ARHGAP28: variants seen among roughly 807,000 people sequenced by gnomAD.
ARHGAP28 encodes the protein rho GTPase-activating protein 28.
A neutral mutation model predicts 90.7 loss-of-function variants in ARHGAP28; 56 were observed. The ratio of observed to expected loss-of-function variants is 0.62; its 90% confidence interval spans 0.50 to 0.77. The LOEUF is 0.77. Ranked by LOEUF, ARHGAP28 falls within the 30% of genes least tolerant of loss-of-function variation. ARHGAP28 has a pLI of 0.00. For missense variants in ARHGAP28, 869 were observed against 900.9 expected (o/e 0.96, Z 0.45); for synonymous variants, 308 against 323.3 (o/e 0.95, Z 0.51).
chr18:6,912,185 T>G lies in ARHGAP28; in HGVS notation c.*31T>G, dbSNP rs750660769. 1 of 1,318,290 alleles carries G rather than the reference T, an allele frequency of 7.6e-7. No homozygotes were observed. Among genetic ancestry groups the G allele is most frequent in the Non-Finnish European group, 1.1e-6 (1 of 933,756 alleles). 81.7% of individuals were successfully genotyped at this position (1,318,290 alleles called of 1,614,324 possible). On this transcript the variant is annotated 3_prime_UTR_variant, in exon 18 of 18. Coordinates refer to ENST00000383472, the MANE Select transcript of ARHGAP28 (RefSeq NM_001366230.1). ...CCTCGAGAGAGCTGCTATCATGTAT[T>G]ATATGCCAAAAAGATCCTACATTTT...
intron 1 of ARHGAP28, among the ~76,000 whole-genome samples, chr18:6,738,674 C>A (rs941017688): frequency 6.6e-6 from 1 of 152,156 alleles, no homozygotes; most frequent in Admixed American, 6.6e-5. Flanking sequence ...TTTCCTCTCA[C>A]CCTCACTACA....
chr18:6,810,088 C>A (rs1241750697), intron 1 of ARHGAP28, among the ~76,000 whole-genome samples: 1 of 152,110 alleles, frequency 6.6e-6, no homozygotes, highest in Non-Finnish European at 1.5e-5. Context: ...AAAATTTCAG[C>A]TGATTGTTGA....
At chr18:6,876,044 T>A in intron 9 of ARHGAP28, 87 bp from the exon 10 acceptor site, 1 of 1,092,892 alleles carries the variant, frequency 9.2e-7, no homozygotes, top group Non-Finnish European at 1.4e-6. Flanking sequence ...CTTGGTAACT[T>A]ATTGATTCAT....
rs1028292904 is a variant in ARHGAP28, at chr18:6,787,580, C to A, written c.123-37182C>A. On this transcript the variant is annotated intron_variant, in intron 1 of 17. Coordinates refer to ENST00000383472, the MANE Select transcript of ARHGAP28 (RefSeq NM_001366230.1). ...AAATTCTGATCGTTTTTATCTAAGA[C>A]AATATAGCATAATGCCTGTGGCACA... 1.3e-4 allele frequency among the ~76,000 whole-genome samples: 20 copies of A among 152,130 alleles called. 1 individual carries two copies. Among genetic ancestry groups the A allele is most frequent in the South Asian group, 2.1e-4 (1 of 4,826 alleles).
intron 2 of ARHGAP28, among the ~76,000 whole-genome samples, chr18:6,829,289 T>C (rs1283449113): frequency 6.6e-6 from 1 of 152,200 alleles, no homozygotes; most frequent in East Asian, 1.9e-4. Context: ...AAGTTCACAA[T>C]AACCTCCAAT....
chr18:6,837,751 G>A (rs529139856), intron 3 of ARHGAP28, among the ~76,000 whole-genome samples: 1 of 152,206 alleles, frequency 6.6e-6, no homozygotes, highest in South Asian at 2.1e-4. Flanking sequence ...TCTGTGGTCG[G>A]GCAAAGGAGT....
rs140580090 is a variant in ARHGAP28, at chr18:6,767,771, A to G, written c.122+37828A>G. Among the ~76,000 whole-genome samples, 954 of 152,184 alleles carry G rather than the reference A, an allele frequency of 6.3e-3. 9 individuals are homozygous for G. Among genetic ancestry groups the G allele is most frequent in the African/African-American group, 0.022 (924 of 41,526 alleles). ...TTCTCTTTATCTCTGTTTTTCAGCA[A>G]TTACATCATTATATGCCTGTCTGTG... is the stretch of plus-strand genomic sequence containing the variant. On this transcript the variant is annotated intron_variant, in intron 1 of 17. Transcript: ENST00000383472.
At chr18:6,861,135 G>A (rs2056994899) in intron 5 of ARHGAP28, among the ~76,000 whole-genome samples, 2 of 152,188 alleles carry the variant, frequency 1.3e-5, no homozygotes, top group South Asian at 2.1e-4. Flanking sequence ...CTGGGGACTC[G>A]TGCCCTGAGG....
chr18:6,760,250 A>T (rs1296633007), intron 1 of ARHGAP28, among the ~76,000 whole-genome samples: 1 of 152,196 alleles, frequency 6.6e-6, no homozygotes, highest in African/African-American at 2.4e-5. Flanking sequence ...TTTTCCAAGT[A>T]AAAAAATTGT....
intron 4 of ARHGAP28, among the ~76,000 whole-genome samples, chr18:6,858,520 C>T (rs939159698): frequency 1.3e-5 from 2 of 151,148 alleles, no homozygotes; most frequent in African/African-American, 4.9e-5. Flanking sequence ...GGTAGATTGT[C>T]AGTTCACCAT....
chr18:6,745,537 T>G (rs2056015840), intron 1 of ARHGAP28, among the ~76,000 whole-genome samples: 1 of 152,214 alleles, frequency 6.6e-6, no homozygotes, highest in African/African-American at 2.4e-5. Flanking sequence ...TGTTAAATAT[T>G]CAGTTCCATG....
chr18:6,876,027 A>G, intron 9 of ARHGAP28, 104 bp from the exon 10 acceptor site: 1 of 935,190 alleles, frequency 1.1e-6, no homozygotes, highest in Non-Finnish European at 1.7e-6. Context: ...AGGCAAATAT[A>G]TATATGCTTG....
chr18:6,851,170 C>A, intron 4 of ARHGAP28, 44 bp downstream of exon 4: 1 of 1,562,962 alleles, frequency 6.4e-7, no homozygotes, highest in Non-Finnish European at 8.8e-7. Flanking sequence ...ATGAAATAAG[C>A]CATTTCTTCA....
At chr18:6,900,552 G>T (rs955329251) in intron 16 of ARHGAP28, among the ~76,000 whole-genome samples, 2 of 152,094 alleles carry the variant, frequency 1.3e-5, no homozygotes, top group Non-Finnish European at 2.9e-5. Context: ...CAGTAGTAGG[G>T]TGAAGATAAC....
chr18:6,846,097 C>G (rs562700568), intron 3 of ARHGAP28, among the ~76,000 whole-genome samples: 2 of 152,248 alleles, frequency 1.3e-5, no homozygotes, highest in East Asian at 3.9e-4. Context: ...GATAGAAGGA[C>G]GGGGGTTTGC....
At chr18:6,846,637 G>A (rs1346734730) in intron 3 of ARHGAP28, among the ~76,000 whole-genome samples, 1 of 152,072 alleles carries the variant, frequency 6.6e-6, no homozygotes, top group Non-Finnish European at 1.5e-5. Context: ...CTTGGCCCGA[G>A]GTGTTTGCCC....
chr18:6,847,703 A>G lies in ARHGAP28; in HGVS notation c.544-3331A>G, dbSNP rs533281554. Among the ~76,000 whole-genome samples, 3 of 152,230 alleles carry G rather than the reference A, an allele frequency of 2.0e-5. No individual in the cohort carries two copies. The South Asian group carries it at 6.2e-4, about 32-fold the overall frequency. On this transcript the variant is annotated intron_variant, in intron 3 of 17. Coordinates refer to ENST00000383472, the MANE Select transcript of ARHGAP28 (RefSeq NM_001366230.1). Reference sequence around the variant, plus strand: ...ACACTTATATATGGTATTGTAAAATATATTAGCTTAAATATCAAAAATACA... The same window carrying G: ...ACACTTATATATGGTATTGTAAAATGTATTAGCTTAAATATCAAAAATACA...
At chr18:6,744,241 C>T (rs1321548055) in intron 1 of ARHGAP28, among the ~76,000 whole-genome samples, 1 of 152,010 alleles carries the variant, frequency 6.6e-6, no homozygotes, top group African/African-American at 2.4e-5. Context: ...AAGGAAGAGG[C>T]GTTGCAGCAT....
At chr18:6,857,389 C>T (rs1382639367) in intron 4 of ARHGAP28, among the ~76,000 whole-genome samples, 2 of 152,160 alleles carry the variant, frequency 1.3e-5, no homozygotes, top group East Asian at 1.9e-4. Flanking sequence ...TAGATATAAA[C>T]GTTTAGTTTT....
Sources: allele counts gnomAD v4.1 joint callset (sites outside exome capture counted in the v4.1 genomes callset), GRCh38; gene constraint gnomAD v4.1.1; transcripts MANE v1.5; gene names NCBI Gene and HGNC (gene_info 2026-07-23, HGNC 2026-07-21).